The following PLCB1 variants were observed in gnomAD, a reference collection of about 807,000 sequenced individuals.
The protein encoded by PLCB1 is phospholipase C beta 1.
PLCB1 carries 46 observed loss-of-function variants against 161.8 expected under a neutral mutation model. That is an observed-to-expected ratio of 0.28 (90% CI 0.22 to 0.36). The LOEUF is 0.36. Ranked by LOEUF, PLCB1 falls within the 10% of genes least tolerant of loss-of-function variation. The probability of loss-of-function intolerance (pLI) is 1.00; values close to 1 mark genes in which losing one functional copy is unlikely to be tolerated. For synonymous variants in PLCB1, 517 were observed against 503.7 expected (o/e 1.03, Z -0.35); for missense variants, 1,016 against 1,472.5 (o/e 0.69, Z 5.07).
intron 2 of PLCB1, among the ~76,000 whole-genome samples, chr20:8,169,679 C>G (rs911886649): frequency 6.6e-6 from 1 of 152,096 alleles, no homozygotes; most frequent in African/African-American, 2.4e-5. Context: ...CCTGATTGGA[C>G]AACTATCTAA....
At chr20:8,557,017 AAAT>A (rs1369676715) in intron 3 of PLCB1, among the ~76,000 whole-genome samples, 5 of 126,786 alleles carry the variant, frequency 3.9e-5, no homozygotes, top group African/African-American at 7.7e-5. Flanking sequence ...TAAATAAAAT[AAAT>A]AAAAAAAATA....
chr20:8,289,787 G>C (rs1024036720), intron 2 of PLCB1, among the ~76,000 whole-genome samples: 3 of 152,300 alleles, frequency 2.0e-5, no homozygotes, highest in East Asian at 1.9e-4. Flanking sequence ...ATGGGAGACT[G>C]TTCCACTGTC....
At chr20:8,653,672 A>G (rs914294389) in intron 7 of PLCB1, 2 of 152,030 alleles carry the variant, frequency 1.3e-5, no homozygotes, top group Non-Finnish European at 1.5e-5. Context: ...TTTTTCCGAA[A>G]TTTAAGTACC....
intron 3 of PLCB1, among the ~76,000 whole-genome samples, chr20:8,510,267 C>G (rs539221703): frequency 6.6e-6 from 1 of 152,192 alleles, no homozygotes; most frequent in Non-Finnish European, 1.5e-5. Context: ...AAAACTGGAG[C>G]TTGCTTTCAC....
chr20:8,715,646 C>A (rs1402992526), intron 12 of PLCB1, among the ~76,000 whole-genome samples: 1 of 152,120 alleles, frequency 6.6e-6, no homozygotes, highest in Non-Finnish European at 1.5e-5. Flanking sequence ...TTGCACACAC[C>A]TTTCCCCAAG....
At chr20:8,498,779 CTGATGTACGTCAGACTAAGTTCAGT>C (rs1407597829) in intron 3 of PLCB1, among the ~76,000 whole-genome samples, 1 of 152,158 alleles carries the variant, frequency 6.6e-6, no homozygotes, top group Non-Finnish European at 1.5e-5. Context: ...GCTGTTTCTG[CTGATGTACGTCAGACTAAGTTCAGT>C]TAGAGGAACT....
intron 2 of PLCB1, among the ~76,000 whole-genome samples, chr20:8,224,391 G>T (rs1239504671): frequency 6.6e-6 from 1 of 151,996 alleles, no homozygotes; most frequent in Non-Finnish European, 1.5e-5. Context: ...AAAGTATTTT[G>T]CTTTTGACTA....
At chr20:8,681,106 AT>A (rs1256290082) in intron 9 of PLCB1, among the ~76,000 whole-genome samples, 11,507 of 133,440 alleles carry the variant, frequency 0.086, 1,005 homozygotes, top group East Asian at 0.17. Flanking sequence ...ATATATATAT[AT>A]ATATATATAT....
At chr20:8,508,914 C>G (rs117103412) in intron 3 of PLCB1, among the ~76,000 whole-genome samples, 10,776 of 152,082 alleles carry the variant, frequency 0.071, 526 homozygotes, top group Non-Finnish European at 0.1. Context: ...TTACTACTGA[C>G]ATAAAGAATT....
At chr20:8,563,620 C>A (rs1020223184) in intron 3 of PLCB1, among the ~76,000 whole-genome samples, 6 of 152,132 alleles carry the variant, frequency 3.9e-5, no homozygotes, top group Non-Finnish European at 8.8e-5. Flanking sequence ...CCCAAATCTT[C>A]TTAAGCTGAT....
chr20:8,187,131 A>C (rs560659966), intron 2 of PLCB1, among the ~76,000 whole-genome samples: 13 of 152,160 alleles, frequency 8.5e-5, no homozygotes, highest in African/African-American at 2.6e-4. Context: ...TATGAGGTGA[A>C]TTATCACCTA....
chr20:8,396,949 T>C (rs1248970710), intron 3 of PLCB1, among the ~76,000 whole-genome samples: 1 of 152,098 alleles, frequency 6.6e-6, no homozygotes, highest in Non-Finnish European at 1.5e-5. Flanking sequence ...TTTGCTATTA[T>C]AGGTAAATCT....
intron 31 of PLCB1, among the ~76,000 whole-genome samples, chr20:8,821,797 G>A (rs994330815): frequency 5.9e-5 from 9 of 151,828 alleles, no homozygotes; most frequent in South Asian, 4.2e-4. Context: ...CTCAGTAGGC[G>A]TCTACACAGC....
At chr20:8,652,556 A>G (rs1216371061) in intron 7 of PLCB1, 1 of 152,130 alleles carries the variant, frequency 6.6e-6, no homozygotes, top group Non-Finnish European at 1.5e-5. Flanking sequence ...CATATTCACA[A>G]GAGGTATTTT....
intron 2 of PLCB1, among the ~76,000 whole-genome samples, chr20:8,190,953 T>C (rs1448260873): frequency 6.6e-6 from 1 of 152,072 alleles, no homozygotes; most frequent in Non-Finnish European, 1.5e-5. Context: ...TCATAATAAT[T>C]ATATTCTGGC....
intron 2 of PLCB1, among the ~76,000 whole-genome samples, chr20:8,291,374 C>A (rs1983376164): frequency 6.6e-6 from 1 of 152,088 alleles, no homozygotes; most frequent in Admixed American, 6.6e-5. Context: ...AGGAAAACAG[C>A]AAAAACAGTG....
intron 3 of PLCB1, among the ~76,000 whole-genome samples, chr20:8,606,797 A>G (rs1196976687): frequency 6.6e-6 from 1 of 152,200 alleles, no homozygotes; most frequent in African/African-American, 2.4e-5. Flanking sequence ...TCAAACCTTT[A>G]TGAGCCCTAA....
chr20:8,700,880 G>A (rs1393535399), intron 11 of PLCB1, among the ~76,000 whole-genome samples: 1 of 152,240 alleles, frequency 6.6e-6, no homozygotes, highest in African/African-American at 2.4e-5. Context: ...AGGTGACAGT[G>A]GGTGAGGATG....
chr20:8,770,027 A>G (rs1010590650), intron 26 of PLCB1, among the ~76,000 whole-genome samples: 2 of 151,698 alleles, frequency 1.3e-5, no homozygotes, highest in Admixed American at 1.3e-4. Flanking sequence ...ATCTCGGCTC[A>G]CTGCAAGCTC....
Sources: gnomAD v4.1 joint callset for allele counts (sites outside exome capture counted in the v4.1 genomes callset) on GRCh38, gnomAD v4.1.1 for gene constraint, MANE v1.5 for transcripts, NCBI Gene and HGNC (gene_info 2026-07-23, HGNC 2026-07-21) for gene names.